Variants in GAN observed in about 807,000 individuals in gnomAD.
The protein encoded by GAN is epididymis secretory sperm binding protein.
GAN carries 48 observed loss-of-function variants against 71.3 expected under a neutral mutation model. The ratio of observed to expected loss-of-function variants is 0.67; its 90% CI spans 0.53 to 0.86. The LOEUF (loss-of-function observed/expected upper bound fraction) is 0.86. GAN is among the 40% of genes least tolerant of loss of function. The pLI is 0.00. For synonymous variants in GAN, 386 were observed against 276.8 expected, an observed-to-expected ratio of 1.39 and a Z score of -3.92; for missense variants, 928 against 770.1, an observed-to-expected ratio of 1.21 and a Z score of -2.43.
intron 9 of GAN, among the ~76,000 whole-genome samples, chr16:81,376,491 GTGTGTGTGTGTGTGTGTGTA>G (rs1440333764): frequency 3.4e-4 from 50 of 147,606 alleles, no homozygotes; most frequent in African/African-American, 1.2e-3. Context: ...GTGTGTGTGT[GTGTGTGTGTGTGTGTGTGTA>G]TGTGTGTGTG....
At chr16:81,356,252 A>G (rs1490996024) in intron 3 of GAN, among the ~76,000 whole-genome samples, 1 of 152,172 alleles carries the variant, frequency 6.6e-6, no homozygotes, top group African/African-American at 2.4e-5. Flanking sequence ...GTAAATTCAT[A>G]TTAGTCGTCT....
chr16:81,376,550 CACATAT>C (rs989990192), intron 9 of GAN, among the ~76,000 whole-genome samples: 24 of 145,936 alleles, frequency 1.6e-4, no homozygotes, highest in African/African-American at 5.7e-4. Context: ...TGTATATACA[CACATAT>C]ACATATATAT....
At chr16:81,348,241 T>G (rs1391779316) in intron 1 of GAN, among the ~76,000 whole-genome samples, 1 of 152,222 alleles carries the variant, frequency 6.6e-6, no homozygotes, top group Non-Finnish European at 1.5e-5. Context: ...TTTTCAATCA[T>G]TACCATTTTT....
At chr16:81,357,210 C>T (rs1910519847) in intron 4 of GAN, among the ~76,000 whole-genome samples, 1 of 152,004 alleles carries the variant, frequency 6.6e-6, no homozygotes, top group Admixed American at 6.6e-5. Flanking sequence ...CACCCATTAA[C>T]TCATCATTTA....
intron 3 of GAN, 96 bp downstream of exon 3, chr16:81,354,851 T>TA (rs1910433894): frequency 2.7e-6 from 2 of 741,148 alleles, no homozygotes; most frequent in Non-Finnish European, 4.7e-6. Context: ...ATGAAAGACT[T>TA]ACGATGCAGC....
Position 81,356,995 on chromosome 16 carries a change from G to A in GAN, c.844G>A (p.Glu282Lys). 5.0e-6 allele frequency: 8 copies of A among 1,599,340 alleles called. No homozygotes were observed. The highest frequency in any genetic ancestry group is 6.9e-6 in the Non-Finnish European group (8 of 1,167,596). Reference protein sequence around the residue: ...SECIVTVGGEERVSRKPTAAM... With the variant: ...SECIVTVGGEKRVSRKPTAAM... ...GTGCATCGTGACTGTTGGTGGAGAA[G>A]AGAGAGTGTAAGTATGAGGTGGGAC... is the stretch of plus-strand genomic sequence containing the variant. The change falls in exon 4 of 11, where the codon GAG (glutamate) becomes AAG (lysine). Residue 282 changes from glutamate (E) to lysine (K), a missense_variant. Glu to Lys is a moderately conservative substitution (Grantham distance 56). Coordinates refer to ENST00000648994, the MANE Select transcript of GAN (RefSeq NM_022041.4).
At chr16:81,354,291 G>A (rs778211469) in intron 2 of GAN, 114 bp from the exon 3 acceptor site, 13 of 746,710 alleles carry the variant, frequency 1.7e-5, no homozygotes, top group Middle Eastern at 2.6e-4. Context: ...GCCAATATTC[G>A]ATTATCTTTG....
chr16:81,351,697 G>A lies in GAN; in HGVS notation c.282G>A (p.Gln94=), dbSNP rs1039007762. 3.0e-6 allele frequency: 4 copies of A among 1,344,446 alleles called. No homozygotes were observed. Among genetic ancestry groups the A allele is most frequent in the African/African-American group, 1.4e-5 (1 of 69,714 alleles). The allele number at this position is 1,344,446 out of a possible 1,614,324, so 83.3% of individuals were successfully genotyped here. A position where few individuals can be genotyped will look rare whatever the true frequency, so the allele number is the denominator to read the frequency against. ...REILDYIFSG[Q]IRLNEDTIQD... ...TCCTGGATTACATCTTCAGTGGGCA[G>A]GTATGATGAGAAACAAAGGAAGGAA... Residue 94 remains glutamine, a splice_region_variant and synonymous_variant, in exon 2 of 11, where the codon CAG becomes CAA. Coordinates refer to ENST00000648994, the MANE Select transcript of GAN (RefSeq NM_022041.4).
At chr16:81,320,699 T>C (rs1909195118) in intron 1 of GAN, among the ~76,000 whole-genome samples, 2 of 152,210 alleles carry the variant, frequency 1.3e-5, no homozygotes. Context: ...TGAGTATCTT[T>C]TGAAATCCTG....
At chr16:81,359,411 T>TG (rs1024460102) in intron 5 of GAN, among the ~76,000 whole-genome samples, 39 of 151,462 alleles carry the variant, frequency 2.6e-4, no homozygotes, top group African/African-American at 6.8e-4. Flanking sequence ...CATTGTTTTT[T>TG]TTTTTTTTTT....
intron 6 of GAN, among the ~76,000 whole-genome samples, chr16:81,363,400 G>GCCTA (rs1910743418): frequency 6.6e-6 from 1 of 152,202 alleles, no homozygotes; most frequent in African/African-American, 2.4e-5. Context: ...GGGCTGTTAG[G>GCCTA]GAAGCCAGAA....
Position 81,387,628 on chromosome 16 carries a change from C to G in GAN, c.*10032C>G, listed in dbSNP as rs995966900. 1 of 152,192 alleles carries G rather than the reference C, an allele frequency of 6.6e-6. No individual in the cohort carries two copies. Among genetic ancestry groups the G allele is most frequent in the Non-Finnish European group, 1.5e-5 (1 of 68,146 alleles). The allele number at this position is 152,192 out of a possible 1,614,324, so 9.4% of individuals were successfully genotyped here. ...GTCAGGAGTTCAAGACTAGCCTGGC[C>G]AACATGGTGAAACCCCGTCTCTACT... is the stretch of plus-strand genomic sequence containing the variant. On this transcript the variant is annotated 3_prime_UTR_variant, in exon 11 of 11. Transcript: ENST00000648994.
chr16:81,335,781 G>C (rs1484181827), intron 1 of GAN, among the ~76,000 whole-genome samples: 2 of 149,830 alleles, frequency 1.3e-5, no homozygotes, highest in Admixed American at 1.3e-4. Flanking sequence ...TTCAAATGAT[G>C]AGTCATTCTA....
chr16:81,321,597 A>T (rs1029248191), intron 1 of GAN, among the ~76,000 whole-genome samples: 2 of 152,186 alleles, frequency 1.3e-5, no homozygotes, highest in East Asian at 1.9e-4. Flanking sequence ...ATGAGTTCTT[A>T]TGATATCAAA....
At chr16:81,366,519 G>A (rs1030577681) in intron 9 of GAN, among the ~76,000 whole-genome samples, 3 of 152,178 alleles carry the variant, frequency 2.0e-5, no homozygotes, top group Non-Finnish European at 2.9e-5. Context: ...TAGTTCAGTC[G>A]TGCTACCAGA....
At chr16:81,343,103 C>G (rs1388100628) in intron 1 of GAN, among the ~76,000 whole-genome samples, 2 of 152,092 alleles carry the variant, frequency 1.3e-5, no homozygotes, top group African/African-American at 2.4e-5. Context: ...CTGAATAGAC[C>G]AATAACAGGT....
At chr16:81,357,642 A>G (rs541430262) in intron 4 of GAN, among the ~76,000 whole-genome samples, 168 bp from the exon 5 acceptor site, 3 of 152,344 alleles carry the variant, frequency 2.0e-5, no homozygotes, top group African/African-American at 7.2e-5. Flanking sequence ...TGGCTGGGTC[A>G]AATGGCATTC....
chr16:81,380,534 A>G lies in GAN; in HGVS notation c.*2938A>G, dbSNP rs1170515384. The G allele has an allele frequency of 6.6e-6, 1 of 152,214 alleles. No individual in the cohort carries two copies. The highest frequency in any genetic ancestry group is 1.9e-4 in the East Asian group (1 of 5,204). The allele number at this position is 152,214 out of a possible 1,614,324, so 9.4% of individuals were successfully genotyped here. A position where few individuals can be genotyped will look rare whatever the true frequency, so the allele number is the denominator to read the frequency against. On this transcript the variant is annotated 3_prime_UTR_variant, in exon 11 of 11. Transcript: ENST00000648994. Reference sequence around the variant, plus strand: ...TTTTGATAGTGCTTATATCCTGTGAATAGAAAAAGTGTGAGAGATGAATGA... The same window carrying G: ...TTTTGATAGTGCTTATATCCTGTGAGTAGAAAAAGTGTGAGAGATGAATGA...
chr16:81,386,661 G>A lies in GAN; in HGVS notation c.*9065G>A, dbSNP rs1460692288. 6.6e-6 allele frequency: 1 copy of A among 152,252 alleles called. No individual in the cohort carries two copies. Among genetic ancestry groups the A allele is most frequent in the Admixed American group, 6.5e-5 (1 of 15,286 alleles). 9.4% of individuals were successfully genotyped at this position (152,252 alleles called of 1,614,324 possible). Reference sequence around the variant, plus strand: ...GATCTCTGAATGTGAAAAGGAAGTAGAACAGCCGGGCGCGGTGGCTCACGC... The same window carrying A: ...GATCTCTGAATGTGAAAAGGAAGTAAAACAGCCGGGCGCGGTGGCTCACGC... On this transcript the variant is annotated 3_prime_UTR_variant, in exon 11 of 11. Transcript: ENST00000648994.
Sources: allele counts gnomAD v4.1 joint callset (sites outside exome capture counted in the v4.1 genomes callset), GRCh38; gene constraint gnomAD v4.1.1; transcripts MANE v1.5; gene names NCBI Gene and HGNC (gene_info 2026-07-23, HGNC 2026-07-21).